ZNF521: variants seen among roughly 807,000 people sequenced by gnomAD.
ZNF521 encodes the protein LYST-interacting protein 3.
ZNF521 carries 14 observed loss-of-function variants against 105.5 expected under a neutral mutation model. The ratio of observed to expected loss-of-function variants is 0.13; its 90% CI spans 0.09 to 0.21. ZNF521 has a LOEUF of 0.21. Ranked by LOEUF, ZNF521 falls within the 10% of genes least tolerant of loss-of-function variation. ZNF521 has a pLI of 1.00. For synonymous variants in ZNF521, 635 were observed against 606.0 expected, an observed-to-expected ratio of 1.05 and a Z score of -0.70; for missense variants, 1,233 against 1,629.7, an observed-to-expected ratio of 0.76 and a Z score of 4.19.
intron 5 of ZNF521, among the ~76,000 whole-genome samples, chr18:25,176,187 A>G (rs2035531507): frequency 6.6e-6 from 1 of 152,178 alleles, no homozygotes; most frequent in Non-Finnish European, 1.5e-5. Context: ...TCTGTAATAA[A>G]CTGGCAGCAA....
At chr18:25,252,114 G>T (rs1908162814) in intron 3 of ZNF521, among the ~76,000 whole-genome samples, 1 of 152,110 alleles carries the variant, frequency 6.6e-6, no homozygotes, top group Non-Finnish European at 1.5e-5. Context: ...AATAGCTTTT[G>T]TATAGCATTA....
chr18:25,256,020 G>C (rs1004249152), intron 3 of ZNF521, among the ~76,000 whole-genome samples: 12 of 145,942 alleles, frequency 8.2e-5, no homozygotes, highest in South Asian at 2.1e-4. Flanking sequence ...ATATATATAT[G>C]GTATATATAT....
At chr18:25,106,049 G>A (rs1022910118) in intron 5 of ZNF521, among the ~76,000 whole-genome samples, 2 of 151,994 alleles carry the variant, frequency 1.3e-5, no homozygotes, top group Non-Finnish European at 2.9e-5. Context: ...AATTTATCAA[G>A]ATTTAATTTA....
Position 25,090,729 on chromosome 18 carries a change from G to A in ZNF521, c.3791-1149C>T, listed in dbSNP as rs1181486839. Among the ~76,000 whole-genome samples the A allele has an allele frequency of 2.6e-5, 4 of 152,222 alleles. No homozygotes were observed. The East Asian group carries it at 7.7e-4, about 29-fold the overall frequency. On this transcript the variant is annotated intron_variant, in intron 6 of 7. Coordinates refer to ENST00000361524, the MANE Select transcript of ZNF521 (RefSeq NM_015461.3). ...TTTATGAGGCTTCTGGCTACAACATGAAAGACCTATTTTATTAGGGGTCTT... is the reference window on the plus strand; with the variant it reads ...TTTATGAGGCTTCTGGCTACAACATAAAAGACCTATTTTATTAGGGGTCTT...
At chr18:25,067,290 C>A (rs1397761182) in intron 7 of ZNF521, among the ~76,000 whole-genome samples, 1 of 152,130 alleles carries the variant, frequency 6.6e-6, no homozygotes, top group East Asian at 1.9e-4. Context: ...ACTTTCTTTA[C>A]TGTAAAGGGC....
chr18:25,083,055 A>G (rs1483062308), intron 7 of ZNF521, among the ~76,000 whole-genome samples: 2 of 152,106 alleles, frequency 1.3e-5, no homozygotes, highest in Non-Finnish European at 2.9e-5. Flanking sequence ...TTTTTTCCAA[A>G]CTACACTCAG....
chr18:25,098,560 T>C (rs1201490069), intron 5 of ZNF521, among the ~76,000 whole-genome samples: 2 of 151,936 alleles, frequency 1.3e-5, no homozygotes, highest in Non-Finnish European at 2.9e-5. Flanking sequence ...AAGAAGAAAG[T>C]AGTGGATATT....
intron 3 of ZNF521, among the ~76,000 whole-genome samples, chr18:25,235,957 A>G (rs1906863350): frequency 6.6e-6 from 1 of 152,212 alleles, no homozygotes; most frequent in South Asian, 2.1e-4. Flanking sequence ...CCTTTGTATT[A>G]CAACTGACCT....
rs749313092 is a variant in ZNF521 at position 25,270,529 on chromosome 18, A to G, written c.221-42832T>C. Among the ~76,000 whole-genome samples the G allele has an allele frequency of 5.9e-5, 9 of 152,236 alleles. 1 individual carries two copies. Among genetic ancestry groups the G allele is most frequent in the African/African-American group, 9.6e-5 (4 of 41,462 alleles). On this transcript the variant is annotated intron_variant, in intron 3 of 7. Transcript: ENST00000361524. ...GAACATTGATGCAAAAATCCTCAAT[A>G]AAATACTGGCAAACCGAATCCAGCA...
chr18:25,319,578 A>G (rs1882861225), intron 3 of ZNF521, among the ~76,000 whole-genome samples: 3 of 150,862 alleles, frequency 2.0e-5, no homozygotes, highest in Non-Finnish European at 4.4e-5. Flanking sequence ...CCTGGGCAAC[A>G]GAGCAAGACT....
intron 3 of ZNF521, among the ~76,000 whole-genome samples, chr18:25,252,322 T>C (rs1024226393): frequency 2.6e-5 from 4 of 152,180 alleles, no homozygotes; most frequent in African/African-American, 9.6e-5. Flanking sequence ...GGTAGTCAAA[T>C]GAGACCAATT....
chr18:25,153,152 T>A (rs1224934279), intron 5 of ZNF521, among the ~76,000 whole-genome samples: 9 of 152,224 alleles, frequency 5.9e-5, no homozygotes. Context: ...ACTAAGTGGA[T>A]CGTAATGCTG....
intron 5 of ZNF521, among the ~76,000 whole-genome samples, chr18:25,190,614 G>A (rs981704160): frequency 1.3e-5 from 2 of 152,066 alleles, no homozygotes; most frequent in Admixed American, 6.6e-5. Context: ...ACTGAAAGTC[G>A]CAAAACAATA....
chr18:25,251,072 T>C (rs1908086612), intron 3 of ZNF521, among the ~76,000 whole-genome samples: 1 of 152,222 alleles, frequency 6.6e-6, no homozygotes, highest in African/African-American at 2.4e-5. Flanking sequence ...ATTTCCCATG[T>C]AAGCCTTTAA....
rs561538935 is a variant in ZNF521, at chr18:25,134,632, T to C, written c.3659-42551A>G. ...TGATGTGTTCCAACTCCAAAACAAT[T>C]TTTATTGCAGCGGTTGCAGCTTTTC... On this transcript the variant is annotated intron_variant, in intron 5 of 7. Coordinates refer to ENST00000361524, the MANE Select transcript of ZNF521 (RefSeq NM_015461.3). Among the ~76,000 whole-genome samples the C allele has an allele frequency of 1.2e-4, 19 of 152,184 alleles. No homozygotes were observed. In the South Asian group the frequency reaches 3.9e-3, roughly 32 times the overall value.
intron 3 of ZNF521, among the ~76,000 whole-genome samples, chr18:25,250,389 G>T: frequency 6.6e-6 from 1 of 152,136 alleles, no homozygotes; most frequent in Admixed American, 6.5e-5. Context: ...CAACTTGTTT[G>T]CCATATTTAC....
intron 4 of ZNF521, among the ~76,000 whole-genome samples, chr18:25,218,028 G>A (rs912198276): frequency 1.3e-5 from 2 of 152,084 alleles, no homozygotes; most frequent in African/African-American, 2.4e-5. Context: ...TGTTATGTGT[G>A]GTTAATTAAA....
intron 2 of ZNF521, among the ~76,000 whole-genome samples, chr18:25,335,490 G>C (rs1455297017): frequency 6.6e-6 from 1 of 152,064 alleles, no homozygotes; most frequent in African/African-American, 2.4e-5. Context: ...ACTAGCACCC[G>C]CACCCAATAC....
At chr18:25,182,082 T>C (rs940352738) in intron 5 of ZNF521, among the ~76,000 whole-genome samples, 3 of 152,154 alleles carry the variant, frequency 2.0e-5, no homozygotes, top group African/African-American at 7.2e-5. Context: ...ATGCATTCAA[T>C]TAGAAGAAGG....
Sources: gnomAD v4.1 joint callset for allele counts (sites outside exome capture counted in the v4.1 genomes callset) on GRCh38, gnomAD v4.1.1 for gene constraint, MANE v1.5 for transcripts, NCBI Gene and HGNC (gene_info 2026-07-23, HGNC 2026-07-21) for gene names.